LINGO2: variants seen among roughly 807,000 people sequenced by gnomAD.
LINGO2 encodes the protein leucine-rich repeat and immunoglobulin-like domain-containing nogo receptor-interacting protein 2.
In LINGO2, 14 loss-of-function variants were observed where a neutral mutation model predicts 30.6. The ratio of observed to expected loss-of-function variants is 0.46; its 90% CI spans 0.30 to 0.72. LINGO2 has a LOEUF of 0.72. LINGO2 is among the 30% of genes least tolerant of loss of function. LINGO2 has a pLI of 0.07. For missense variants in LINGO2, 729 were observed against 751.7 expected, an observed-to-expected ratio of 0.97 and a Z score of 0.35; for synonymous variants, 317 against 288.5, an observed-to-expected ratio of 1.10 and a Z score of -1.00.
chr9:29,093,425 A>G, the LINGO2 span, among the ~76,000 whole-genome samples: 5 of 134,216 alleles, frequency 3.7e-5, no homozygotes, highest in South Asian at 6.9e-4. Flanking sequence ...CAAGATATAT[A>G]TAACATTTGT....
At chr9:28,786,933 C>A in the LINGO2 span, among the ~76,000 whole-genome samples, 1 of 152,078 alleles carries the variant, frequency 6.6e-6, no homozygotes, top group Admixed American at 6.5e-5. Flanking sequence ...TTTTATTTCC[C>A]CTCCTTATTT....
chr9:28,366,546 A>G (rs6476058), intron 3 of LINGO2, among the ~76,000 whole-genome samples: 91,903 of 151,936 alleles, frequency 0.6, 28,834 homozygotes, highest in African/African-American at 0.76. Flanking sequence ...CTCCTTTAAG[A>G]GGGAAATGAA....
intron 5 of LINGO2, among the ~76,000 whole-genome samples, chr9:27,957,848 G>A (rs1008384669): frequency 8.5e-5 from 13 of 152,120 alleles, no homozygotes; most frequent in African/African-American, 1.9e-4. Context: ...AATGTTGTAC[G>A]AGCTTCTTAT....
chr9:28,360,933 C>G (rs1424597570), intron 3 of LINGO2, among the ~76,000 whole-genome samples: 3 of 152,060 alleles, frequency 2.0e-5, no homozygotes, highest in Non-Finnish European at 4.4e-5. Flanking sequence ...ATACAATAGT[C>G]CCCCCCTTAT....
chr9:28,770,092 T>C, the LINGO2 span, among the ~76,000 whole-genome samples: 7 of 152,092 alleles, frequency 4.6e-5, no homozygotes, highest in Non-Finnish European at 1.0e-4. Context: ...TTCGGTCCAG[T>C]TCTATATTGA....
intron 5 of LINGO2, among the ~76,000 whole-genome samples, chr9:27,968,596 A>AT (rs1193206926): frequency 6.6e-6 from 1 of 151,920 alleles, no homozygotes; most frequent in African/African-American, 2.4e-5. Context: ...CTTTCTCTTC[A>AT]TTTTTTATTT....
At chr9:28,399,780 G>T (rs2183829) in intron 2 of LINGO2, among the ~76,000 whole-genome samples, 3,723 of 152,140 alleles carry the variant, frequency 0.024, 176 homozygotes, top group East Asian at 0.21. Context: ...GTTAAATTAT[G>T]GGATTTGATT....
At chr9:29,209,317 C>T in the LINGO2 span, among the ~76,000 whole-genome samples, 3 of 151,982 alleles carry the variant, frequency 2.0e-5, no homozygotes, top group Admixed American at 6.6e-5. Flanking sequence ...ACTGATGACT[C>T]GAACTCCCTA....
At chr9:28,806,578 T>C in the LINGO2 span, among the ~76,000 whole-genome samples, 9 of 152,190 alleles carry the variant, frequency 5.9e-5, no homozygotes, top group Admixed American at 4.6e-4. Flanking sequence ...TCACCTTTTT[T>C]GGTTCCCAAA....
At chr9:28,048,948 ATG>A (rs757403631) in intron 4 of LINGO2, among the ~76,000 whole-genome samples, 3 of 150,980 alleles carry the variant, frequency 2.0e-5, no homozygotes, top group African/African-American at 7.3e-5. Flanking sequence ...AAATGCATGT[ATG>A]TGAAATATAA....
intron 1 of LINGO2, among the ~76,000 whole-genome samples, chr9:28,597,167 C>T (rs1563852474): frequency 6.6e-6 from 1 of 152,108 alleles, no homozygotes; most frequent in Non-Finnish European, 1.5e-5. Context: ...AAGGGTGTGC[C>T]TGGGGACCAA....
chr9:28,413,603 CT>C (rs1822855976), intron 2 of LINGO2, among the ~76,000 whole-genome samples: 1 of 152,072 alleles, frequency 6.6e-6, no homozygotes, highest in Admixed American at 6.6e-5. Flanking sequence ...TTACTGTCAT[CT>C]TCTTGGCACA....
At chr9:28,055,576 G>A (rs1347801962) in intron 4 of LINGO2, among the ~76,000 whole-genome samples, 1 of 152,174 alleles carries the variant, frequency 6.6e-6, no homozygotes, top group Non-Finnish European at 1.5e-5. Flanking sequence ...CGAAGTGTAA[G>A]GCTTCAGTCT....
chr9:28,855,705 T>C, the LINGO2 span, among the ~76,000 whole-genome samples: 1 of 151,864 alleles, frequency 6.6e-6, no homozygotes, highest in Non-Finnish European at 1.5e-5. Flanking sequence ...TTTTATCCCT[T>C]CATGAGAGTA....
At chr9:28,606,415 T>G (rs1392664724) in intron 1 of LINGO2, among the ~76,000 whole-genome samples, 1 of 151,938 alleles carries the variant, frequency 6.6e-6, no homozygotes, top group Non-Finnish European at 1.5e-5. Context: ...ATAAATGACT[T>G]TACTGGAGAG....
chr9:28,885,641 T>C, the LINGO2 span, among the ~76,000 whole-genome samples: 2 of 152,108 alleles, frequency 1.3e-5, no homozygotes, highest in Non-Finnish European at 2.9e-5. Flanking sequence ...GTAGTTGCAC[T>C]AGGAAAGATT....
At chr9:28,462,252 C>A (rs1216807814) in intron 2 of LINGO2, among the ~76,000 whole-genome samples, 1 of 151,764 alleles carries the variant, frequency 6.6e-6, no homozygotes, top group East Asian at 1.9e-4. Flanking sequence ...GTTGCAGAAT[C>A]CCTAAGGTGA....
chr9:29,078,667 C>A, the LINGO2 span, among the ~76,000 whole-genome samples: 19 of 151,888 alleles, frequency 1.3e-4, no homozygotes, highest in Non-Finnish European at 2.4e-4. Flanking sequence ...TATATGCCAA[C>A]CAAGTGCTTG....
intron 3 of LINGO2, among the ~76,000 whole-genome samples, chr9:28,312,301 T>G (rs868749010): frequency 6.6e-6 from 1 of 151,964 alleles, no homozygotes. Flanking sequence ...AGCTCAAATT[T>G]TTTTAAATTT....
Sources: gnomAD v4.1 joint callset for allele counts (sites outside exome capture counted in the v4.1 genomes callset) on GRCh38, gnomAD v4.1.1 for gene constraint, MANE v1.5 for transcripts, NCBI Gene and HGNC (gene_info 2026-07-23, HGNC 2026-07-21) for gene names.